Variants in DUOX1 observed in about 807,000 individuals in gnomAD.
DUOX1 encodes dual oxidase 1, also known as NADPH thyroid oxidase 1.
DUOX1 carries 134 observed loss-of-function variants against 181.8 expected under a neutral mutation model. The ratio of observed to expected loss-of-function variants is 0.74; its 90% confidence interval spans 0.64 to 0.85. The LOEUF (loss-of-function observed/expected upper bound fraction) is 0.85. Among genes scored for constraint, DUOX1 ranks in the 40% least tolerant of loss-of-function variants. DUOX1 has a pLI of 0.00. For synonymous variants in DUOX1, 798 were observed against 832.5 expected, an observed-to-expected ratio of 0.96 and a Z score of 0.71; for missense variants, 1,814 against 2,064.4, an observed-to-expected ratio of 0.88 and a Z score of 2.35.
In DUOX1 at chr15:45,145,019, C is replaced by T; in HGVS notation, c.2261C>T (p.Ala754Val). The T allele has an allele frequency of 1.9e-6, 3 of 1,613,952 alleles. No individual in the cohort carries two copies. Among genetic ancestry groups the T allele is most frequent in the Non-Finnish European group, 2.5e-6 (3 of 1,179,966 alleles). ...CGGGAGCAGGAGCTGATGAGAGCAG[C>T]TGTGACACGGGAGCAGCGGAGGCAC... ...ELREQELMRA[A>V]VTREQRRHLL... The change falls in exon 18 of 34, where the codon GCT becomes GTT. Residue 754 changes from alanine (A) to valine (V), a missense_variant. By Grantham distance (64) the Ala-to-Val change is moderately conservative (BLOSUM62 0). This residue lies in a region of DUOX1 where 1,064 missense variants were observed against 1,152.9 expected (regional missense o/e 0.92). Transcript: ENST00000389037.
chr15:45,141,110 C>A (rs1227948490), intron 13 of DUOX1, 40 bp downstream of exon 13: 12 of 1,612,524 alleles, frequency 7.4e-6, no homozygotes, highest in Non-Finnish European at 1.0e-5. Context: ...TCTACCTCGG[C>A]CTGGGCCCCA....
intron 15 of DUOX1, 116 bp downstream of exon 15, chr15:45,142,228 G>A: frequency 8.2e-7 from 1 of 1,213,194 alleles, no homozygotes; most frequent in Non-Finnish European, 1.2e-6. Context: ...GTCCCTTTGG[G>A]TAGGAGAATG....
chr15:45,151,699 G>A (rs1225038184), intron 23 of DUOX1, 175 bp from the exon 24 acceptor site: 1 of 653,248 alleles, frequency 1.5e-6, no homozygotes, highest in Admixed American at 3.0e-5. Context: ...CTTATGCAGT[G>A]CAATATAGCC....
At chr15:45,136,980 T>C (rs1035109367) in intron 9 of DUOX1, among the ~76,000 whole-genome samples, 1 of 151,834 alleles carries the variant, frequency 6.6e-6, no homozygotes, top group African/African-American at 2.4e-5. Flanking sequence ...CTGCAACCTT[T>C]TGGGGGCAGA....
chr15:45,138,543 T>C (rs1186717883), intron 10 of DUOX1: 5 of 156,638 alleles, frequency 3.2e-5, no homozygotes, highest in African/African-American at 1.2e-4. Flanking sequence ...AGAACATTGA[T>C]TGTGAATTTA....
At chr15:45,142,436 A>C (rs1595581638) in intron 15 of DUOX1, among the ~76,000 whole-genome samples, 1 of 152,298 alleles carries the variant, frequency 6.6e-6, no homozygotes, top group East Asian at 1.9e-4. Flanking sequence ...TTTAAGAACA[A>C]GGGCTAAGAC....
At chr15:45,137,069 C>T (rs1057324310) in intron 9 of DUOX1, among the ~76,000 whole-genome samples, 6 of 151,614 alleles carry the variant, frequency 4.0e-5, no homozygotes, top group Middle Eastern at 3.4e-3. Flanking sequence ...AGACATAGGC[C>T]GGGAGCAGTG....
intron 29 of DUOX1, 73 bp downstream of exon 29, chr15:45,161,063 A>C: frequency 6.3e-7 from 1 of 1,599,382 alleles, no homozygotes; most frequent in Non-Finnish European, 8.5e-7. Context: ...TCTAGACCGC[A>C]CAGTCTCCTG....
chr15:45,135,881 A>G lies in DUOX1; in HGVS notation c.797A>G (p.Gln266Arg). The G allele has an allele frequency of 2.1e-6, 3 of 1,443,650 alleles. No individual in the cohort carries two copies. The highest frequency in any genetic ancestry group is 2.8e-6 in the Non-Finnish European group (3 of 1,070,716). 89.4% of individuals were successfully genotyped at this position (1,443,650 alleles called of 1,614,324 possible). A position where few individuals can be genotyped will look rare whatever the true frequency, so the allele number is the denominator to read the frequency against. Residue 266 changes from glutamine to arginine, a missense_variant, in exon 7 of 34, where the codon CAG (glutamine) becomes CGG (arginine). Gln to Arg is a conservative substitution (Grantham distance 43). This residue lies in a region of DUOX1 where 27 missense variants were observed against 90.8 expected (regional missense o/e 0.30). Transcript: ENST00000389037. ...HNLWAQRLAR[Q>R]HPDWEDEELF... The stretch of plus-strand genomic sequence containing the variant: ...CTGTGGGCGCAGAGGCTGGCCCGCC[A>G]GCACCCAGACTGGGAGGACGAGGAG...
chr15:45,151,356 G>A, intron 23 of DUOX1, 108 bp downstream of exon 23: 1 of 1,415,990 alleles, frequency 7.1e-7, no homozygotes, highest in Non-Finnish European at 9.6e-7. Context: ...GGTACAGGCA[G>A]GGTGAATAGT....
In DUOX1 at chr15:45,152,440, C is replaced by G; in HGVS notation, c.3348C>G (p.Phe1116Leu). 1 of 1,614,228 alleles carries G rather than the reference C, an allele frequency of 6.2e-7. No individual in the cohort carries two copies. The highest frequency in any genetic ancestry group is 1.3e-5 in the African/African-American group (1 of 75,062). ...TCATCACCTTCCTGCGAGAAACCTT[C>G]CTCAACCGCTACGTGCCCTTCGACG... ...RNLITFLRET[F>L]LNRYVPFDAA... The change falls in exon 25 of 34, where the codon TTC becomes TTG. Residue 1116 changes from phenylalanine (F) to leucine (L), a missense_variant. Physicochemically the swap from Phe to Leu is conservative, Grantham distance 22 (BLOSUM62 0). Around this residue, in one of 5 missense-constraint regions of DUOX1, gnomAD observed 1,064 missense variants for 1,152.9 expected, o/e 0.92. Coordinates refer to ENST00000389037, the MANE Select transcript of DUOX1 (RefSeq NM_175940.3).
rs1260069067 is a variant in DUOX1, at chr15:45,135,298, C to T, written c.495+7C>T. ...CAGCAATCCCCGGGACCCGGTGAGG[C>T]GGGGAAGGCGGCGGGAAGGGACCGC... is the stretch of plus-strand genomic sequence containing the variant. On this transcript the variant is annotated splice_region_variant and intron_variant, in intron 5 of 33. Coordinates refer to ENST00000389037, the MANE Select transcript of DUOX1 (RefSeq NM_175940.3). 1.3e-6 allele frequency: 2 copies of T among 1,597,830 alleles called. No homozygotes were observed. Among genetic ancestry groups the T allele is most frequent in the South Asian group, 1.1e-5 (1 of 89,778 alleles).
intron 21 of DUOX1, among the ~76,000 whole-genome samples, chr15:45,149,981 T>C (rs1005979226): frequency 2.6e-5 from 4 of 152,274 alleles, no homozygotes; most frequent in African/African-American, 9.6e-5. Context: ...AATTTTAATA[T>C]AGTTCAGCTT....
intron 32 of DUOX1, 39 bp downstream of exon 32, chr15:45,163,726 T>G: frequency 3.1e-6 from 5 of 1,613,818 alleles, no homozygotes; most frequent in Non-Finnish European, 4.2e-6. Flanking sequence ...CGGGCCACTG[T>G]CTGAGCTAGG....
chr15:45,158,365 C>T (rs2141301480), intron 28 of DUOX1, among the ~76,000 whole-genome samples: 1 of 151,302 alleles, frequency 6.6e-6, no homozygotes, highest in South Asian at 2.1e-4. Context: ...TCTAGGAAGA[C>T]TTAGCTGGGG....
intron 28 of DUOX1, among the ~76,000 whole-genome samples, chr15:45,157,584 C>T (rs574924870): frequency 6.6e-6 from 1 of 152,030 alleles, no homozygotes; most frequent in Non-Finnish European, 1.5e-5. Context: ...TTTGAGATGC[C>T]GAGGTGGGTG....
chr15:45,152,406 G>T lies in DUOX1; in HGVS notation c.3314G>T (p.Cys1105Phe). 2.5e-6 allele frequency: 4 copies of T among 1,614,202 alleles called. No individual in the cohort carries two copies. The highest frequency in any genetic ancestry group is 3.4e-6 in the Non-Finnish European group (4 of 1,180,040). ...FMFSYILLTM[C>F]RNLITFLRET... ...TTCTCCTACATCTTGCTCACCATGT[G>T]CCGCAACCTCATCACCTTCCTGCGA... Residue 1105 changes from cysteine (C) to phenylalanine (F), a missense_variant, in exon 25 of 34, where the codon TGC (cysteine) becomes TTC (phenylalanine). Transcript: ENST00000389037.
At chr15:45,151,061 G>A in intron 22 of DUOX1, 62 bp from the exon 23 acceptor site, 12 of 1,600,224 alleles carry the variant, frequency 7.5e-6, no homozygotes, top group Non-Finnish European at 9.4e-6. Flanking sequence ...GGCAGACCAG[G>A]ATAGCAGAGG....
intron 2 of DUOX1, 99 bp downstream of exon 2, chr15:45,132,123 C>T: frequency 9.1e-7 from 1 of 1,094,706 alleles, no homozygotes; most frequent in Non-Finnish European, 1.3e-6. Flanking sequence ...TCATCTGTAT[C>T]TTTAGTCTCT....
Sources: gnomAD v4.1 joint callset for allele counts (sites outside exome capture counted in the v4.1 genomes callset) on GRCh38, gnomAD v4.1.1 for gene constraint, gnomAD v4.1.1 regional missense constraint, MANE v1.5 for transcripts, NCBI Gene and HGNC (gene_info 2026-07-23, HGNC 2026-07-21) for gene names.